Variants in KCNMB4 observed in about 807,000 individuals in gnomAD.
KCNMB4 encodes calcium-activated potassium channel subunit beta-4.
In KCNMB4, 3 loss-of-function variants were observed where a neutral mutation model predicts 20.7. The observed-to-expected ratio is 0.14, with a 90% CI of 0.07 to 0.37. The LOEUF (loss-of-function observed/expected upper bound fraction) is 0.37. Ranked by LOEUF, KCNMB4 falls within the 10% of genes least tolerant of loss-of-function variation. KCNMB4 has a pLI of 1.00. For missense variants in KCNMB4, 168 were observed against 265.9 expected (o/e 0.63, Z 2.56); for synonymous variants, 110 against 113.4 (o/e 0.97, Z 0.19).
intron 1 of KCNMB4, among the ~76,000 whole-genome samples, chr12:70,398,997 C>T (rs12582436): frequency 0.071 from 10,744 of 152,192 alleles, 607 homozygotes; most frequent in East Asian, 0.27. Flanking sequence ...GAACAAAGGG[C>T]ATTAAAAGGA....
At chr12:70,403,331 A>C (rs944114069) in intron 2 of KCNMB4, among the ~76,000 whole-genome samples, 7 of 151,682 alleles carry the variant, frequency 4.6e-5, no homozygotes, top group Admixed American at 2.0e-4. Flanking sequence ...TTTTTATTTT[A>C]TTTTCTTTTT....
chr12:70,393,839 CA>C (rs5798979), intron 1 of KCNMB4, among the ~76,000 whole-genome samples: 86,364 of 151,790 alleles, frequency 0.57, 25,882 homozygotes, highest in African/African-American at 0.77. Flanking sequence ...CCTTGTCCTC[CA>C]AGGCACATTA....
chr12:70,384,853 AAC>A (rs1222008020), intron 1 of KCNMB4, among the ~76,000 whole-genome samples: 3 of 146,128 alleles, frequency 2.1e-5, no homozygotes, highest in African/African-American at 7.6e-5. Context: ...CAGCCTGAGC[AAC>A]ACAGTGAGAC....
chr12:70,430,665 GC>G lies in KCNMB4; in HGVS notation c.*13del. ...GCAAGTTCTCTTAAAGGGGAAGGAG[GC>G]TTGTAGAAAGCAAAGTACAGAAGCT... On this transcript the variant is annotated 3_prime_UTR_variant, in exon 3 of 3. Transcript: ENST00000258111. 6.3e-7 allele frequency: 1 copy of G among 1,597,684 alleles called. No homozygotes were observed. Among genetic ancestry groups the G allele is most frequent in the Non-Finnish European group, 8.5e-7 (1 of 1,175,372 alleles).
intron 2 of KCNMB4, among the ~76,000 whole-genome samples, chr12:70,419,496 A>G (rs2904523): frequency 0.021 from 3,241 of 152,304 alleles, 61 homozygotes; most frequent in East Asian, 0.089. Context: ...TGATTAAACC[A>G]TGCACTTGTT....
chr12:70,421,487 A>C (rs1045861855), intron 2 of KCNMB4, among the ~76,000 whole-genome samples: 15 of 151,558 alleles, frequency 9.9e-5, no homozygotes, highest in East Asian at 9.7e-4. Context: ...AAAAAAAAAA[A>C]AAAAAACTTT....
chr12:70,368,589 A>AT (rs559519861), intron 1 of KCNMB4, among the ~76,000 whole-genome samples: 43 of 147,790 alleles, frequency 2.9e-4, no homozygotes, highest in Admixed American at 6.8e-4. Context: ...TTTTAGAAAC[A>AT]TTTTTTTTTT....
intron 1 of KCNMB4, among the ~76,000 whole-genome samples, chr12:70,380,990 A>C (rs1209522992): frequency 6.6e-6 from 1 of 152,238 alleles, no homozygotes; most frequent in Admixed American, 6.5e-5. Flanking sequence ...AAATATTTGC[A>C]AATAATGTAT....
Position 70,431,171 on chromosome 12 carries a change from G to C in KCNMB4, c.*518G>C, listed in dbSNP as rs908881269. On this transcript the variant is annotated 3_prime_UTR_variant, in exon 3 of 3. Coordinates refer to ENST00000258111, the MANE Select transcript of KCNMB4 (RefSeq NM_014505.6). ...TCTGAACCTTACTGTGTAACCCTCA[G>C]TTTCCACTATTAAAGAGTATCTTTT... The C allele has an allele frequency of 6.6e-6, 1 of 152,060 alleles. No homozygotes were observed. The highest frequency in any genetic ancestry group is 2.1e-4 in the South Asian group (1 of 4,830). 9.4% of individuals were successfully genotyped at this position (152,060 alleles called of 1,614,324 possible).
chr12:70,388,212 T>G (rs577406388), intron 1 of KCNMB4, among the ~76,000 whole-genome samples: 7 of 152,334 alleles, frequency 4.6e-5, no homozygotes, highest in African/African-American at 1.7e-4. Flanking sequence ...CCCATTTTCT[T>G]TATCCATTCA....
chr12:70,401,980 T>TA (rs1385703480), intron 2 of KCNMB4, among the ~76,000 whole-genome samples: 4 of 152,150 alleles, frequency 2.6e-5, no homozygotes, highest in Non-Finnish European at 5.9e-5. Flanking sequence ...TGCCTCTTGA[T>TA]AGGAGGAGCT....
chr12:70,387,612 G>T, intron 1 of KCNMB4, among the ~76,000 whole-genome samples: 1 of 151,930 alleles, frequency 6.6e-6, no homozygotes, highest in Non-Finnish European at 1.5e-5. Flanking sequence ...ATGTTGGTAA[G>T]GCTGGTGTCA....
At chr12:70,389,337 C>A (rs934037062) in intron 1 of KCNMB4, among the ~76,000 whole-genome samples, 15 of 152,070 alleles carry the variant, frequency 9.9e-5, no homozygotes. Flanking sequence ...CATTTGTATA[C>A]TGTTTGTCAT....
chr12:70,385,487 A>G (rs1001781764), intron 1 of KCNMB4, among the ~76,000 whole-genome samples: 3 of 152,294 alleles, frequency 2.0e-5, no homozygotes, highest in East Asian at 1.9e-4. Context: ...TTGATTTTGC[A>G]TAAGAGTTGG....
At chr12:70,390,487 AG>A (rs1168243395) in intron 1 of KCNMB4, among the ~76,000 whole-genome samples, 2 of 152,214 alleles carry the variant, frequency 1.3e-5, no homozygotes, top group African/African-American at 2.4e-5. Context: ...TGCCAAAGAA[AG>A]CATGGGTTTG....
chr12:70,366,899 G>C lies in KCNMB4; in HGVS notation c.165G>C (p.Thr55=), dbSNP rs1752820202. The change falls in exon 1 of 3, where the codon ACG becomes ACC. Residue 55 remains threonine (T), a synonymous_variant. Coordinates refer to ENST00000258111, the MANE Select transcript of KCNMB4 (RefSeq NM_014505.6). ...QDLQATEANC[T]VLSVQQIGEV... is the part of the protein sequence containing the mutation. ...TGCAAGCCACGGAGGCCAATTGCAC[G>C]GTGCTGTCGGTGCAGCAGATCGGCG... The C allele has an allele frequency of 1.9e-6, 3 of 1,613,340 alleles. No individual in the cohort carries two copies. In the African/African-American group the frequency reaches 4.0e-5, roughly 22 times the overall value.
At chr12:70,391,570 C>G (rs1404794359) in intron 1 of KCNMB4, among the ~76,000 whole-genome samples, 1 of 152,156 alleles carries the variant, frequency 6.6e-6, no homozygotes, top group Non-Finnish European at 1.5e-5. Context: ...CCTCCGAAGG[C>G]TCTAGGATTA....
chr12:70,384,455 A>G (rs951263986), intron 1 of KCNMB4, among the ~76,000 whole-genome samples: 1 of 152,240 alleles, frequency 6.6e-6, no homozygotes, highest in East Asian at 1.9e-4. Context: ...CCCCTCTCCC[A>G]TCCCAACTTG....
intron 1 of KCNMB4, among the ~76,000 whole-genome samples, chr12:70,386,414 AT>A (rs973873839): frequency 1.1e-4 from 16 of 151,268 alleles, no homozygotes; most frequent in Admixed American, 4.0e-4. Flanking sequence ...TTGTGAGACA[AT>A]TTTTTTTTAA....
Sources: allele counts gnomAD v4.1 joint callset (sites outside exome capture counted in the v4.1 genomes callset), GRCh38; gene constraint gnomAD v4.1.1; transcripts MANE v1.5; gene names NCBI Gene and HGNC (gene_info 2026-07-23, HGNC 2026-07-21).